The following MAN1A2 variants were observed in gnomAD, a reference collection of about 807,000 sequenced individuals.
MAN1A2 encodes mannosidase alpha class 1A member 2.
In MAN1A2, 26 loss-of-function variants were observed where a neutral mutation model predicts 75.7. The observed-to-expected ratio is 0.34, with a 90% CI of 0.25 to 0.48. The LOEUF (loss-of-function observed/expected upper bound fraction) is 0.48, where lower values mean the gene tolerates loss of function less well. MAN1A2 is among the 20% of genes least tolerant of loss of function. MAN1A2 has a pLI of 0.99. For missense variants in MAN1A2, 562 were observed against 775.5 expected (o/e 0.72, Z 3.27); for synonymous variants, 247 against 264.6 (o/e 0.93, Z 0.65).
chr1:117,487,804 C>T (rs979516917), intron 8 of MAN1A2, among the ~76,000 whole-genome samples: 5 of 151,988 alleles, frequency 3.3e-5, no homozygotes, highest in African/African-American at 1.2e-4. Flanking sequence ...AGGGACTCTC[C>T]CTATCTACTC....
chr1:117,442,359 A>G (rs1441833210), intron 6 of MAN1A2, 34 bp downstream of exon 6: 1 of 1,418,462 alleles, frequency 7.0e-7, no homozygotes, highest in Non-Finnish European at 1.0e-6. Flanking sequence ...TTCTGGAAGA[A>G]TTATTTTGAC....
intron 12 of MAN1A2, among the ~76,000 whole-genome samples, chr1:117,511,744 T>G (rs1290551): frequency 0.39 from 59,251 of 151,856 alleles, 11,866 homozygotes; most frequent in Admixed American, 0.52. Context: ...TGTATACAAT[T>G]TCAAATTGTT....
At chr1:117,452,841 G>T (rs1447689060) in intron 6 of MAN1A2, among the ~76,000 whole-genome samples, 1 of 150,986 alleles carries the variant, frequency 6.6e-6, no homozygotes, top group Non-Finnish European at 1.5e-5. Context: ...GATGAAACAG[G>T]TTTCTACTGG....
Position 117,528,455 on chromosome 1 carries a change from A to G in MAN1A2, c.*5498A>G, listed in dbSNP as rs1314867574. ...GTGTGGGGATCAAACACACACACCT[A>G]TACACATACATATTAATATGCAGAG... On this transcript the variant is annotated 3_prime_UTR_variant, in exon 13 of 13. Coordinates refer to ENST00000356554, the MANE Select transcript of MAN1A2 (RefSeq NM_006699.5). 3.9e-5 allele frequency: 6 copies of G among 152,178 alleles called. No individual in the cohort carries two copies. The highest frequency in any genetic ancestry group is 3.9e-4 in the East Asian group (2 of 5,180). The allele number at this position is 152,178 out of a possible 1,614,324, so 9.4% of individuals were successfully genotyped here.
intron 1 of MAN1A2, among the ~76,000 whole-genome samples, chr1:117,397,599 C>T (rs1647221109): frequency 6.7e-6 from 1 of 149,058 alleles, no homozygotes; most frequent in Admixed American, 6.7e-5. Flanking sequence ...ATTTAATATG[C>T]ATTTGTATTG....
At chr1:117,409,514 TAGAA>T (rs927236822) in intron 3 of MAN1A2, among the ~76,000 whole-genome samples, 7 of 149,450 alleles carry the variant, frequency 4.7e-5, no homozygotes, top group Non-Finnish European at 7.4e-5. Flanking sequence ...CATTTGTTCT[TAGAA>T]AGAATGGTAT....
chr1:117,464,164 G>A (rs1418903032), intron 7 of MAN1A2, among the ~76,000 whole-genome samples: 1 of 151,808 alleles, frequency 6.6e-6, no homozygotes, highest in Non-Finnish European at 1.5e-5. Flanking sequence ...TCAGGAATTC[G>A]AGACAAGCCT....
intron 12 of MAN1A2, among the ~76,000 whole-genome samples, chr1:117,503,996 T>G (rs939648931): frequency 6.6e-6 from 1 of 151,452 alleles, no homozygotes; most frequent in Non-Finnish European, 1.5e-5. Flanking sequence ...TCTGTTACAT[T>G]TTTTTATTTT....
intron 5 of MAN1A2, among the ~76,000 whole-genome samples, chr1:117,441,067 G>T (rs917079511): frequency 6.6e-6 from 1 of 152,138 alleles, no homozygotes; most frequent in Non-Finnish European, 1.5e-5. Flanking sequence ...AATTGTAGAT[G>T]TGTGAATATA....
chr1:117,404,448 C>G lies in MAN1A2; in HGVS notation c.559-1101C>G, dbSNP rs1220123374. Among the ~76,000 whole-genome samples the G allele has an allele frequency of 3.9e-5, 6 of 152,216 alleles. No homozygotes were observed. The Middle Eastern group carries it at 0.014, about 345-fold the overall frequency. On this transcript the variant is annotated intron_variant, in intron 2 of 12. Coordinates refer to ENST00000356554, the MANE Select transcript of MAN1A2 (RefSeq NM_006699.5). The stretch of plus-strand genomic sequence containing the variant: ...AATAGTATTTATTGGTTTAATGGCT[C>G]TAAACAAGGGCTTCAAGTTTGGCTG...
At chr1:117,430,146 G>C (rs1190188374) in intron 5 of MAN1A2, among the ~76,000 whole-genome samples, 2 of 87,614 alleles carry the variant, frequency 2.3e-5, no homozygotes, top group African/African-American at 9.8e-5. Context: ...TCACTTCCCA[G>C]TAGGGGTGGC....
At chr1:117,370,582 G>A (rs977919015) in intron 1 of MAN1A2, among the ~76,000 whole-genome samples, 3 of 151,908 alleles carry the variant, frequency 2.0e-5, no homozygotes, top group Admixed American at 1.3e-4. Flanking sequence ...TTTAAAATGT[G>A]GAAACAGAAA....
chr1:117,484,913 G>T (rs954634764), intron 8 of MAN1A2, among the ~76,000 whole-genome samples: 1 of 151,822 alleles, frequency 6.6e-6, no homozygotes, highest in Admixed American at 6.6e-5. Context: ...CATGTGGCTT[G>T]TCTATATGTT....
chr1:117,402,155 T>C, intron 1 of MAN1A2, 31 bp from the exon 2 acceptor site: 1 of 1,585,110 alleles, frequency 6.3e-7, no homozygotes, highest in East Asian at 2.2e-5. Context: ...GTAGGCTCAC[T>C]GTTACGTTTT....
Position 117,528,525 on chromosome 1 carries a change from A to G in MAN1A2, c.*5568A>G, listed in dbSNP as rs1652089196. ...TGTCTTGTGGCTGTTTTATTTCTAC[A>G]AAATTCTGTAAGATGTATACCAGAA... On this transcript the variant is annotated 3_prime_UTR_variant, in exon 13 of 13. Coordinates refer to ENST00000356554, the MANE Select transcript of MAN1A2 (RefSeq NM_006699.5). 1 of 152,120 alleles carries G rather than the reference A, an allele frequency of 6.6e-6. No individual in the cohort carries two copies. The highest frequency in any genetic ancestry group is 2.1e-4 in the South Asian group (1 of 4,830). 9.4% of individuals were successfully genotyped at this position (152,120 alleles called of 1,614,324 possible). A position where few individuals can be genotyped will look rare whatever the true frequency, so the allele number is the denominator to read the frequency against.
intron 12 of MAN1A2, among the ~76,000 whole-genome samples, chr1:117,508,741 ATATTAAGTGGGC>A (rs1420364572): frequency 3.3e-5 from 5 of 151,718 alleles, no homozygotes; most frequent in African/African-American, 1.2e-4. Context: ...TCACAGTATA[ATATTAAGTGGGC>A]TATTAAGTCC....
At chr1:117,443,751 T>C (rs1649118907) in intron 6 of MAN1A2, among the ~76,000 whole-genome samples, 1 of 152,162 alleles carries the variant, frequency 6.6e-6, no homozygotes, top group East Asian at 1.9e-4. Flanking sequence ...ATCATGAATG[T>C]AATTATTTAC....
chr1:117,499,588 A>G lies in MAN1A2; in HGVS notation c.1677+34A>G, dbSNP rs780117026. On this transcript the variant is annotated intron_variant, in intron 11 of 12. Coordinates refer to ENST00000356554, the MANE Select transcript of MAN1A2 (RefSeq NM_006699.5). ...GCCAATATTCCATTTTATCTGCAAG[A>G]GTGTTAACTCATGCCCTCCTATGAT... 1.0e-5 allele frequency: 16 copies of G among 1,554,504 alleles called. No individual in the cohort carries two copies. In the East Asian group the frequency reaches 3.5e-4, roughly 34 times the overall value.
At chr1:117,387,682 G>A (rs1481493903) in intron 1 of MAN1A2, among the ~76,000 whole-genome samples, 2 of 152,296 alleles carry the variant, frequency 1.3e-5, no homozygotes, top group East Asian at 1.9e-4. Flanking sequence ...GTTTGCTTGA[G>A]CTGCCTTAAC....
Sources: gnomAD v4.1 joint callset for allele counts (sites outside exome capture counted in the v4.1 genomes callset) on GRCh38, gnomAD v4.1.1 for gene constraint, MANE v1.5 for transcripts, NCBI Gene and HGNC (gene_info 2026-07-23, HGNC 2026-07-21) for gene names.